The following RASSF5 variants were observed in gnomAD, a reference collection of about 807,000 sequenced individuals.
The protein encoded by RASSF5 is Ras association domain family member 5.
RASSF5 carries 25 observed loss-of-function variants against 40.5 expected under a neutral mutation model. That is an observed-to-expected ratio of 0.62 (90% CI 0.45 to 0.86). RASSF5 has a LOEUF of 0.86. Among genes scored for constraint, RASSF5 ranks in the 40% least tolerant of loss-of-function variants. RASSF5 has a pLI of 0.00. For missense variants in RASSF5, 521 were observed against 572.8 expected (o/e 0.91, Z 0.92); for synonymous variants, 246 against 252.4 (o/e 0.97, Z 0.24).
In RASSF5 at chr1:206,552,164, G is replaced by A. The variant is rs73079100; in HGVS notation, c.579+13871G>A. 7.8e-3 allele frequency among the ~76,000 whole-genome samples: 1,184 copies of A among 152,340 alleles called. 15 individuals carry two copies. The highest frequency in any genetic ancestry group is 0.027 in the African/African-American group (1,141 of 41,560). On this transcript the variant is annotated intron_variant, in intron 2 of 5. Coordinates refer to ENST00000579436, the MANE Select transcript of RASSF5 (RefSeq NM_182663.4). The surrounding 1 kb of genome is among the most constrained non-coding windows in gnomAD (Gnocchi z 4.1). ...CGCTGAGAAAGTGACTGTAGGGTGA[G>A]TCTAACCTAAATGGTGTGCCACCAC... is the stretch of plus-strand genomic sequence containing the variant.
intron 2 of RASSF5, chr1:206,543,882 T>TAGC (rs1163680207): frequency 6.6e-6 from 1 of 152,102 alleles, no homozygotes; most frequent in African/African-American, 2.4e-5. Context: ...GCCTCCTGAG[T>TAGC]AGCTGGGATT....
intron 1 of RASSF5, among the ~76,000 whole-genome samples, chr1:206,522,352 T>C (rs1276155813): frequency 6.6e-6 from 1 of 152,224 alleles, no homozygotes; most frequent in African/African-American, 2.4e-5. Context: ...TCTGAGTACA[T>C]GTGTCCTGAT....
chr1:206,565,675 G>C (rs114713738), intron 2 of RASSF5, among the ~76,000 whole-genome samples: 4,057 of 152,300 alleles, frequency 0.027, 180 homozygotes, highest in African/African-American at 0.093. Context: ...CTCAGCAACT[G>C]CCTTGCAGCC....
chr1:206,510,160 C>T (rs1237838317), intron 1 of RASSF5, among the ~76,000 whole-genome samples: 1 of 152,170 alleles, frequency 6.6e-6, no homozygotes, highest in Non-Finnish European at 1.5e-5. Context: ...AGGCCAAACT[C>T]GCTGAGCATC....
chr1:206,512,978 G>A lies in RASSF5; in HGVS notation c.457+4919G>A, dbSNP rs75566839. Among the ~76,000 whole-genome samples the A allele has an allele frequency of 3.3e-4, 50 of 152,336 alleles. 1 individual carries two copies. In the East Asian group the frequency reaches 9.5e-3, roughly 29 times the overall value. On this transcript the variant is annotated intron_variant, in intron 1 of 5. Transcript: ENST00000579436. ...AGCTGAAAGGGAATTACCTGGCCAG[G>A]AGTCACCTGCTGGCTTTGCCAGGGA...
intron 1 of RASSF5, among the ~76,000 whole-genome samples, chr1:206,533,848 G>T (rs186203892): frequency 1.3e-5 from 2 of 152,122 alleles, no homozygotes; most frequent in Admixed American, 6.5e-5. Flanking sequence ...AGATGAGGTC[G>T]CACTGGAGTA....
At chr1:206,578,698 C>T (rs1668751821) in intron 2 of RASSF5, among the ~76,000 whole-genome samples, 2 of 152,144 alleles carry the variant, frequency 1.3e-5, no homozygotes, top group Non-Finnish European at 2.9e-5. Flanking sequence ...GTGGGACACA[C>T]GTCCTCCTCA....
intron 1 of RASSF5, among the ~76,000 whole-genome samples, chr1:206,515,644 G>A (rs1666727988): frequency 6.6e-6 from 1 of 152,130 alleles, no homozygotes; most frequent in Admixed American, 6.5e-5. Context: ...CTAATCTCAG[G>A]CAGTGATGTG....
At chr1:206,523,865 A>G (rs1289082028) in intron 1 of RASSF5, among the ~76,000 whole-genome samples, 2 of 109,918 alleles carry the variant, frequency 1.8e-5, no homozygotes, top group Non-Finnish European at 3.3e-5. Flanking sequence ...TATATTTTAT[A>G]TATTATATAT....
At chr1:206,537,416 CTGA>C (rs1432054776) in intron 1 of RASSF5, among the ~76,000 whole-genome samples, 4 of 152,208 alleles carry the variant, frequency 2.6e-5, no homozygotes, top group African/African-American at 7.2e-5. Context: ...GCACTTCCTG[CTGA>C]TGATAATGCC....
intron 2 of RASSF5, among the ~76,000 whole-genome samples, chr1:206,566,473 T>G (rs1311986283): frequency 6.6e-6 from 1 of 152,078 alleles, no homozygotes; most frequent in African/African-American, 2.4e-5. Flanking sequence ...ATCTCCAGGC[T>G]CTCCCCCATG....
rs782592631 is a variant in RASSF5, at chr1:206,507,893, G to A, written c.291G>A (p.Ala97=). Residue 97 remains alanine, a synonymous_variant, in exon 1 of 6, where the codon GCG becomes GCA. Transcript: ENST00000579436. ...AGAGACTGCGGCGGCGGCCTGGAGC[G>A]CCCCGACCCCGCGACGTGCGGAGCA... ...LQQRLRRRPG[A]PRPRDVRSIF... 7.3e-6 allele frequency: 11 copies of A among 1,500,390 alleles called. No individual in the cohort carries two copies. In the East Asian group the frequency reaches 1.4e-4, roughly 19 times the overall value. The allele number at this position is 1,500,390 out of a possible 1,614,324, so 92.9% of individuals were successfully genotyped here.
intron 1 of RASSF5, among the ~76,000 whole-genome samples, chr1:206,527,986 G>A (rs1553397451): frequency 6.6e-6 from 1 of 152,156 alleles, no homozygotes; most frequent in East Asian, 1.9e-4. Context: ...CTCTAAAATA[G>A]GAGTAGATCC....
intron 2 of RASSF5, among the ~76,000 whole-genome samples, chr1:206,568,827 G>T (rs1668354683): frequency 6.6e-6 from 1 of 152,222 alleles, no homozygotes; most frequent in African/African-American, 2.4e-5. Context: ...CCATTCTTGT[G>T]CAGGAAGTTC....
rs542774838 is a variant in RASSF5, at chr1:206,588,760, G to A, written c.*1782G>A. The stretch of plus-strand genomic sequence containing the variant: ...CAAAAACCCTGGTTAGCCATCTCAT[G>A]CTCAGCCTTATCACTTCCCTCCCTT... On this transcript the variant is annotated 3_prime_UTR_variant, in exon 6 of 6. Transcript: ENST00000579436. 1 of 152,818 alleles carries A rather than the reference G, an allele frequency of 6.5e-6. No individual in the cohort carries two copies. The highest frequency in any genetic ancestry group is 2.1e-4 in the South Asian group (1 of 4,826). The allele number at this position is 152,818 out of a possible 1,614,324, so 9.5% of individuals were successfully genotyped here.
At chr1:206,525,521 G>A (rs1332846956) in intron 1 of RASSF5, among the ~76,000 whole-genome samples, 3 of 152,170 alleles carry the variant, frequency 2.0e-5, no homozygotes, top group East Asian at 1.9e-4. Flanking sequence ...CCATCCTCTC[G>A]CCTCACCCAC....
Position 206,507,551 on chromosome 1 carries a change from G to A in RASSF5, c.-52G>A, listed in dbSNP as rs924846951. ...CCCTTCTCTCGGGGCTGGCTCGGGA[G>A]TAGCGCAGTCGCCAAAGCCGCCGCT... On this transcript the variant is annotated 5_prime_UTR_variant, in exon 1 of 6. Transcript: ENST00000579436. The A allele has an allele frequency of 1.2e-5, 17 of 1,380,072 alleles. No individual in the cohort carries two copies. In the East Asian group the frequency reaches 4.8e-4, roughly 39 times the overall value. 85.5% of individuals were successfully genotyped at this position (1,380,072 alleles called of 1,614,324 possible). A position where few individuals can be genotyped will look rare whatever the true frequency, so the allele number is the denominator to read the frequency against.
chr1:206,538,407 C>T, intron 2 of RASSF5, 114 bp downstream of exon 2: 1 of 1,385,414 alleles, frequency 7.2e-7, no homozygotes, highest in Admixed American at 1.8e-5. Context: ...CCTCAGATTC[C>T]ACATGCACTG....
chr1:206,528,243 TA>T (rs781866192), intron 1 of RASSF5, among the ~76,000 whole-genome samples: 40 of 150,418 alleles, frequency 2.7e-4, no homozygotes, highest in South Asian at 6.3e-4. Flanking sequence ...TTTTTTTAAT[TA>T]AAAAAAAAGA....
Sources: gnomAD v4.1 joint callset for allele counts (sites outside exome capture counted in the v4.1 genomes callset) on GRCh38, gnomAD v4.1.1 for gene constraint, Gnocchi (gnomAD v3.1) non-coding constraint, MANE v1.5 for transcripts, NCBI Gene and HGNC (gene_info 2026-07-23, HGNC 2026-07-21) for gene names.